SPECC1: variants seen among roughly 807,000 people sequenced by gnomAD.
The protein encoded by SPECC1 is sperm antigen with calponin homology and coiled-coil domains 1.
SPECC1 carries 62 observed loss-of-function variants against 104.1 expected under a neutral mutation model. The observed-to-expected ratio is 0.60, with a 90% CI of 0.49 to 0.74. SPECC1 has a LOEUF of 0.74. SPECC1 is among the 30% of genes least tolerant of loss of function. The probability of loss-of-function intolerance (pLI) is 0.00; values close to 1 mark genes in which losing one functional copy is unlikely to be tolerated. For missense variants in SPECC1, 1,306 were observed against 1,310.5 expected, an observed-to-expected ratio of 1.00 and a Z score of 0.05; for synonymous variants, 513 against 501.6, an observed-to-expected ratio of 1.02 and a Z score of -0.30.
chr17:20,114,492 TTTTTTTTTTTG>T (rs1165648857), intron 3 of SPECC1, among the ~76,000 whole-genome samples: 3 of 140,172 alleles, frequency 2.1e-5, no homozygotes, highest in African/African-American at 8.4e-5. Flanking sequence ...GCCCAGCCTG[TTTTTTTTTTTG>T]TTTTTTTTTT....
intron 9 of SPECC1, among the ~76,000 whole-genome samples, 159 bp downstream of exon 9, chr17:20,247,478 C>T (rs1195028240): frequency 6.6e-6 from 1 of 152,162 alleles, no homozygotes; most frequent in African/African-American, 2.4e-5. Flanking sequence ...ACTTATTTCA[C>T]TTTATCATCG....
rs79709712 is a variant in SPECC1 at position 20,286,242 on chromosome 17, A to G, written c.2941-10719A>G. On this transcript the variant is annotated intron_variant, in intron 12 of 14. Transcript: ENST00000395527. The stretch of plus-strand genomic sequence containing the variant: ...TGGTTACCAGCTTCCACTCAAGGAT[A>G]ACAATGATCCTAGTCCGTTTTATTC... 0.014 allele frequency among the ~76,000 whole-genome samples: 2,082 copies of G among 152,332 alleles called. 107 individuals are homozygous for G. In the East Asian group the frequency reaches 0.19, roughly 14 times the overall value.
chr17:20,134,091 A>G (rs1364290437), intron 3 of SPECC1, among the ~76,000 whole-genome samples: 1 of 150,518 alleles, frequency 6.6e-6, no homozygotes, highest in Non-Finnish European at 1.5e-5. Context: ...CATATTACAA[A>G]CATGTATATA....
chr17:20,090,439 C>G (rs150336754), intron 1 of SPECC1, among the ~76,000 whole-genome samples: 143 of 152,268 alleles, frequency 9.4e-4, no homozygotes, highest in Admixed American at 2.5e-3. Context: ...GCGTCCCAGG[C>G]AGAGGCAGTT....
intron 7 of SPECC1, chr17:20,238,815 C>T (rs1254176267): frequency 8.6e-6 from 9 of 1,045,152 alleles, no homozygotes; most frequent in African/African-American, 1.7e-5. Context: ...TATATTTTGA[C>T]CTGTCGTTAG....
intron 13 of SPECC1, among the ~76,000 whole-genome samples, chr17:20,298,590 G>GACACA (rs2041434051): frequency 6.6e-6 from 1 of 152,112 alleles, no homozygotes; most frequent in African/African-American, 2.4e-5. Context: ...GCTCTGGTTT[G>GACACA]GCCTCACCCA....
intron 1 of SPECC1, among the ~76,000 whole-genome samples, chr17:20,084,427 C>T (rs2047100734): frequency 6.6e-6 from 1 of 152,104 alleles, no homozygotes; most frequent in Non-Finnish European, 1.5e-5. Context: ...AAGGGGAAGA[C>T]TCCGTCTCAA....
chr17:20,070,726 T>C (rs1283252374), intron 1 of SPECC1, among the ~76,000 whole-genome samples: 1 of 152,206 alleles, frequency 6.6e-6, no homozygotes, highest in African/African-American at 2.4e-5. Flanking sequence ...ATGATTATTT[T>C]TGTAGGATAC....
chr17:20,181,059 T>C (rs1194815664), intron 3 of SPECC1, among the ~76,000 whole-genome samples: 3 of 152,188 alleles, frequency 2.0e-5, no homozygotes, highest in Non-Finnish European at 4.4e-5. Flanking sequence ...TAAGAGCCAC[T>C]GTTGTAAAAT....
At chr17:20,253,476 C>T in intron 9 of SPECC1, 29 bp from the exon 10 acceptor site, 3 of 1,611,728 alleles carry the variant, frequency 1.9e-6, no homozygotes, top group Non-Finnish European at 2.5e-6. Flanking sequence ...TATGAGCTCA[C>T]CGTGCTGGTG....
chr17:20,208,763 T>C (rs1200017209), intron 4 of SPECC1, among the ~76,000 whole-genome samples: 1 of 152,206 alleles, frequency 6.6e-6, no homozygotes, highest in Admixed American at 6.5e-5. Flanking sequence ...GTACATACCT[T>C]TTATTATGTT....
intron 3 of SPECC1, among the ~76,000 whole-genome samples, chr17:20,114,433 A>C (rs1597736657): frequency 6.6e-6 from 1 of 150,972 alleles, no homozygotes; most frequent in African/African-American, 2.4e-5. Flanking sequence ...CTTGTGATCC[A>C]CCTGCCTTAG....
At position 20,213,106 on chromosome 17, in the gene SPECC1, C is replaced by CT. The variant is rs201511187; in HGVS notation, c.1863+7203dup. Among the ~76,000 whole-genome samples the CT allele has an allele frequency of 8.8e-3, 1,321 of 150,326 alleles. 19 individuals carry two copies. The highest frequency in any genetic ancestry group is 0.03 in the African/African-American group (1,249 of 41,000). ...GAGCTCTTATTCTTTTTTTTCTTTTCTTTTTTTTTGAGACATGGTCTTGCT... is the reference window on the plus strand; with the variant it reads ...GAGCTCTTATTCTTTTTTTTCTTTTCTTTTTTTTTTGAGACATGGTCTTGCT... On this transcript the variant is annotated intron_variant, in intron 4 of 14. Transcript: ENST00000395527.
chr17:20,279,536 G>T (rs2040696748), intron 12 of SPECC1, among the ~76,000 whole-genome samples: 1 of 152,010 alleles, frequency 6.6e-6, no homozygotes, highest in Admixed American at 6.6e-5. Flanking sequence ...TGGTCAGGCT[G>T]ATCTTGAACT....
At chr17:20,082,072 C>A (rs906360284) in intron 1 of SPECC1, among the ~76,000 whole-genome samples, 1 of 152,220 alleles carries the variant, frequency 6.6e-6, no homozygotes, top group African/African-American at 2.4e-5. Context: ...CGCCATCCAC[C>A]GCCACTCTTG....
At chr17:20,091,169 GTTCTT>G (rs1246798667) in intron 1 of SPECC1, among the ~76,000 whole-genome samples, 3 of 152,092 alleles carry the variant, frequency 2.0e-5, no homozygotes, top group Non-Finnish European at 1.5e-5. Flanking sequence ...ATGGAAATCT[GTTCTT>G]TTCCTTATTT....
intron 13 of SPECC1, among the ~76,000 whole-genome samples, chr17:20,299,498 T>G (rs1159009407): frequency 7.1e-6 from 1 of 141,392 alleles, no homozygotes; most frequent in Admixed American, 7.7e-5. Flanking sequence ...AGTTTGAGGC[T>G]GTAGCAAGCC....
chr17:20,114,809 G>T lies in SPECC1; in HGVS notation c.283+4247G>T, dbSNP rs117519477. ...CAGTAAAGGGCACATATGCATAGTG[G>T]GAGAAGATCAGACCTTTACAAGTGA... On this transcript the variant is annotated intron_variant, in intron 3 of 14. Coordinates refer to ENST00000395527, the MANE Select transcript of SPECC1 (RefSeq NM_001243439.2). 2.9e-3 allele frequency among the ~76,000 whole-genome samples: 443 copies of T among 152,204 alleles called. 19 individuals carry two copies. In the East Asian group the frequency reaches 0.082, roughly 28 times the overall value.
At chr17:20,013,310 A>AT (rs2044003993) in intron 1 of SPECC1, among the ~76,000 whole-genome samples, 2 of 152,204 alleles carry the variant, frequency 1.3e-5, no homozygotes, top group Admixed American at 6.5e-5. Flanking sequence ...ACCATTTTAT[A>AT]TTCTCACCAG....
Sources: gnomAD v4.1 joint callset for allele counts (sites outside exome capture counted in the v4.1 genomes callset) on GRCh38, gnomAD v4.1.1 for gene constraint, MANE v1.5 for transcripts, NCBI Gene and HGNC (gene_info 2026-07-23, HGNC 2026-07-21) for gene names.